The following MRTFA variants were observed in gnomAD, a reference collection of about 807,000 sequenced individuals.
MRTFA encodes the protein myocardin related transcription factor A, also known as myocardin-related transcription factor A.
In MRTFA, 20 loss-of-function variants were observed where a neutral mutation model predicts 83.5. That is an observed-to-expected ratio of 0.24 (90% confidence interval 0.17 to 0.35). The LOEUF (loss-of-function observed/expected upper bound fraction) is 0.35, where lower values mean the gene tolerates loss of function less well. MRTFA is among the 10% of genes least tolerant of loss of function. The pLI, the probability that MRTFA is intolerant of heterozygous loss-of-function variation, is 1.00. For missense variants in MRTFA, 1,200 were observed against 1,224.7 expected (o/e 0.98, Z 0.30); for synonymous variants, 659 against 541.2 (o/e 1.22, Z -3.02).
intron 3 of MRTFA, among the ~76,000 whole-genome samples, chr22:40,544,196 A>T (rs1260410132): frequency 1.3e-5 from 2 of 152,072 alleles, no homozygotes; most frequent in Non-Finnish European, 2.9e-5. Context: ...ACTATAAAAG[A>T]CTCATATAAA....
chr22:40,636,499 G>A lies in MRTFA; in HGVS notation c.-105C>T, dbSNP rs1054557636. On this transcript the variant is annotated 5_prime_UTR_variant, in exon 1 of 15. Coordinates refer to ENST00000355630, the MANE Select transcript of MRTFA (RefSeq NM_020831.6). ...TCACCGCCTCGCGCGGCTCCCGGCC[G>A]GGTTCCGCGGCTCGCCCCACTCCGG... The A allele has an allele frequency of 6.6e-6, 1 of 152,310 alleles. No homozygotes were observed. Among genetic ancestry groups the A allele is most frequent in the Non-Finnish European group, 1.5e-5 (1 of 68,144 alleles). The allele number at this position is 152,310 out of a possible 1,614,324, so 9.4% of individuals were successfully genotyped here. A position where few individuals can be genotyped will look rare whatever the true frequency, so the allele number is the denominator to read the frequency against.
At chr22:40,464,309 GAAAA>G (rs398040500) in intron 3 of MRTFA, among the ~76,000 whole-genome samples, 1 of 56,262 alleles carries the variant, frequency 1.8e-5, no homozygotes, top group African/African-American at 7.9e-5. Flanking sequence ...GCTGTCTCAG[GAAAA>G]AAAAAAAAAA....
At chr22:40,618,078 T>C (rs547802567) in intron 1 of MRTFA, among the ~76,000 whole-genome samples, 2 of 146,550 alleles carry the variant, frequency 1.4e-5, no homozygotes, top group Non-Finnish European at 3.0e-5. Context: ...AGGTTGTTTT[T>C]TGTTTTTTTT....
intron 5 of MRTFA, among the ~76,000 whole-genome samples, chr22:40,433,838 T>C (rs1422844844): frequency 6.6e-6 from 1 of 152,264 alleles, no homozygotes; most frequent in Non-Finnish European, 1.5e-5. Flanking sequence ...TGTGTAAATA[T>C]GGAAGTAGTT....
At chr22:40,591,471 A>G (rs549402349) in intron 2 of MRTFA, among the ~76,000 whole-genome samples, 1 of 152,342 alleles carries the variant, frequency 6.6e-6, no homozygotes, top group African/African-American at 2.4e-5. Context: ...TGCAATACGC[A>G]GAGTGGTGGA....
intron 3 of MRTFA, among the ~76,000 whole-genome samples, chr22:40,499,780 C>G (rs2054424328): frequency 6.6e-6 from 1 of 152,088 alleles, no homozygotes; most frequent in Non-Finnish European, 1.5e-5. Flanking sequence ...TGACCTGACA[C>G]CTTAAGGGTC....
intron 3 of MRTFA, among the ~76,000 whole-genome samples, chr22:40,534,327 C>G (rs2055130681): frequency 6.6e-6 from 1 of 152,244 alleles, no homozygotes; most frequent in African/African-American, 2.4e-5. Context: ...AAAAAGTCAT[C>G]TGAATACATT....
Position 40,517,132 on chromosome 22 carries a change from A to G in MRTFA, c.241+34974T>C, listed in dbSNP as rs570959162. ...AAATGGCAGTCTCACTATGTTGCCC[A>G]GGCTGTTCTAGAGCTCCTGGACTCA... On this transcript the variant is annotated intron_variant, in intron 3 of 14. Coordinates refer to ENST00000355630, the MANE Select transcript of MRTFA (RefSeq NM_020831.6). Among the ~76,000 whole-genome samples, 23 of 152,340 alleles carry G rather than the reference A, an allele frequency of 1.5e-4. No homozygotes were observed. In the East Asian group the frequency reaches 4.2e-3, roughly 28 times the overall value.
At chr22:40,461,068 C>T (rs1377996298) in intron 4 of MRTFA, among the ~76,000 whole-genome samples, 1 of 151,716 alleles carries the variant, frequency 6.6e-6, no homozygotes, top group Non-Finnish European at 1.5e-5. Context: ...GGCATGATGG[C>T]TCACACCTAC....
At chr22:40,619,568 AG>A (rs1206019473) in intron 1 of MRTFA, among the ~76,000 whole-genome samples, 4 of 152,246 alleles carry the variant, frequency 2.6e-5, no homozygotes, top group South Asian at 4.1e-4. Flanking sequence ...AAAACATAAG[AG>A]GAAAAATTAA....
In MRTFA at chr22:40,417,447, AT is replaced by A. The variant is rs1486724900; in HGVS notation, c.2410del (p.Met804TrpfsTer18). 1 of 1,602,174 alleles carries A rather than the reference AT, an allele frequency of 6.2e-7. No individual in the cohort carries two copies. The highest frequency in any genetic ancestry group is 2.2e-5 in the East Asian group (1 of 44,600). Reference sequence around the variant, plus strand: ...GGGCTGCAGTGGGTGCTCCAGGTCCATCTGGGCAGAGGGGGCAGGCGCTGGA... The same window carrying A: ...GGGCTGCAGTGGGTGCTCCAGGTCCACTGGGCAGAGGGGGCAGGCGCTGGA... On this transcript the variant is annotated frameshift_variant, in exon 13 of 15. Coordinates refer to ENST00000355630, the MANE Select transcript of MRTFA (RefSeq NM_020831.6). LOFTEE classifies it high-confidence loss of function.
chr22:40,616,746 G>A (rs963354123), intron 1 of MRTFA, among the ~76,000 whole-genome samples: 15 of 152,242 alleles, frequency 9.9e-5, no homozygotes, highest in South Asian at 8.3e-4. Flanking sequence ...ACTTTGGAAT[G>A]TAAATTTGAG....
chr22:40,620,605 G>C (rs978341032), intron 1 of MRTFA, among the ~76,000 whole-genome samples: 1 of 151,956 alleles, frequency 6.6e-6, no homozygotes, highest in Admixed American at 6.6e-5. Flanking sequence ...GAAATTCACT[G>C]TTAAGAAAAG....
At chr22:40,573,260 T>G (rs2055823259) in intron 2 of MRTFA, among the ~76,000 whole-genome samples, 1 of 152,330 alleles carries the variant, frequency 6.6e-6, no homozygotes, top group East Asian at 1.9e-4. Context: ...TTTTTTGTTT[T>G]GCTTTGCTTT....
intron 13 of MRTFA, 75 bp from the exon 14 acceptor site, chr22:40,417,121 C>A: frequency 6.7e-7 from 1 of 1,484,826 alleles, no homozygotes; most frequent in Non-Finnish European, 9.1e-7. Flanking sequence ...ACGAATGAGG[C>A]CCCTCCCTCT....
intron 4 of MRTFA, among the ~76,000 whole-genome samples, chr22:40,459,921 T>C (rs954629140): frequency 2.0e-5 from 3 of 147,226 alleles, no homozygotes; most frequent in Non-Finnish European, 3.0e-5. Flanking sequence ...TACAAGCATA[T>C]AAGCAGATAA....
Position 40,416,222 on chromosome 22 carries a change from C to G in MRTFA, c.2578+764G>C, listed in dbSNP as rs80327178. Among the ~76,000 whole-genome samples the G allele has an allele frequency of 2.4e-4, 36 of 152,336 alleles. No homozygotes were observed. The highest frequency in any genetic ancestry group is 1.5e-3 in the Admixed American group (23 of 15,304). ...CTTGGCTGTTCCTTCCCTCTCCCCC[C>G]ACTTCATCCATAAAGACACCAACCT... On this transcript the variant is annotated intron_variant, in intron 14 of 14. Coordinates refer to ENST00000355630, the MANE Select transcript of MRTFA (RefSeq NM_020831.6). This position sits in a 1 kb window ranked among gnomAD's most constrained non-coding sequence, Gnocchi z 4.2.
At chr22:40,542,975 A>G (rs1455809723) in intron 3 of MRTFA, among the ~76,000 whole-genome samples, 1 of 152,208 alleles carries the variant, frequency 6.6e-6, no homozygotes, top group African/African-American at 2.4e-5. Context: ...CAGGAACTCT[A>G]TCTGGTATCT....
intron 2 of MRTFA, among the ~76,000 whole-genome samples, chr22:40,573,028 T>C (rs1321727866): frequency 6.6e-6 from 1 of 152,110 alleles, no homozygotes; most frequent in Non-Finnish European, 1.5e-5. Context: ...AAAGACCACA[T>C]ATTGTATTAT....
Sources: gnomAD v4.1 joint callset for allele counts (sites outside exome capture counted in the v4.1 genomes callset) on GRCh38, gnomAD v4.1.1 for gene constraint, Gnocchi (gnomAD v3.1) non-coding constraint, MANE v1.5 for transcripts, NCBI Gene and HGNC (gene_info 2026-07-23, HGNC 2026-07-21) for gene names.